CUX2: variants seen among roughly 807,000 people sequenced by gnomAD.
The protein encoded by CUX2 is cut like homeobox 2.
In CUX2, 40 loss-of-function variants were observed where a neutral mutation model predicts 144.8. The ratio of observed to expected loss-of-function variants is 0.28; its 90% confidence interval spans 0.21 to 0.36. The LOEUF (loss-of-function observed/expected upper bound fraction) is 0.36. CUX2 is among the 10% of genes least tolerant of loss of function. The probability of loss-of-function intolerance (pLI) is 1.00; values close to 1 mark genes in which losing one functional copy is unlikely to be tolerated. For synonymous variants in CUX2, 827 were observed against 875.6 expected, an observed-to-expected ratio of 0.94 and a Z score of 0.98; for missense variants, 1,615 against 1,994.0, an observed-to-expected ratio of 0.81 and a Z score of 3.62.
intron 1 of CUX2, among the ~76,000 whole-genome samples, chr12:111,064,857 G>T (rs1870956340): frequency 6.6e-6 from 1 of 152,296 alleles, no homozygotes; most frequent in Non-Finnish European, 1.5e-5. Flanking sequence ...AAAGGACTTG[G>T]AGTATATAAA....
intron 1 of CUX2, among the ~76,000 whole-genome samples, chr12:111,136,244 G>T (rs553238342): frequency 2.0e-5 from 3 of 152,040 alleles, no homozygotes; most frequent in African/African-American, 7.3e-5. Flanking sequence ...CGCGATTCTC[G>T]GTAGAATTTA....
intron 3 of CUX2, among the ~76,000 whole-genome samples, chr12:111,223,536 ATAGCCTT>A (rs1299581099): frequency 6.6e-6 from 1 of 152,188 alleles, no homozygotes; most frequent in Non-Finnish European, 1.5e-5. Flanking sequence ...ATGATCCAGC[ATAGCCTT>A]TAGCCTACCT....
chr12:111,034,475 T>C lies in CUX2; in HGVS notation c.63+235T>C, dbSNP rs1249439262. ...AGCTGCCGCGACCATGGAGAAGCGC[T>C]AGTGAGCCCTCGGTCGGCGGAGCGG... On this transcript the variant is annotated intron_variant, in intron 1 of 21. Transcript: ENST00000261726. This position sits in a 1 kb window ranked among gnomAD's most constrained non-coding sequence, Gnocchi z 4.2. 2.0e-5 allele frequency among the ~76,000 whole-genome samples: 3 copies of C among 151,380 alleles called. No homozygotes were observed. Among genetic ancestry groups the C allele is most frequent in the South Asian group, 2.1e-4 (1 of 4,816 alleles).
chr12:111,299,238 C>T (rs954634239), intron 9 of CUX2, among the ~76,000 whole-genome samples: 14 of 152,202 alleles, frequency 9.2e-5, no homozygotes, highest in Non-Finnish European at 1.3e-4. Context: ...CTGAGGTCTG[C>T]GGGCCCGCAC....
intron 4 of CUX2, among the ~76,000 whole-genome samples, chr12:111,272,493 C>T (rs1383465739): frequency 6.6e-6 from 1 of 152,188 alleles, no homozygotes; most frequent in African/African-American, 2.4e-5. Flanking sequence ...GAGATGTAGT[C>T]TCACTCTGTC....
intron 1 of CUX2, among the ~76,000 whole-genome samples, chr12:111,206,087 G>A (rs559876890): frequency 1.3e-5 from 2 of 152,350 alleles, no homozygotes; most frequent in East Asian, 3.9e-4. Context: ...TGTAATCTAA[G>A]CACTTTGGGA....
intron 1 of CUX2, among the ~76,000 whole-genome samples, chr12:111,090,711 A>G (rs1872508435): frequency 6.6e-6 from 1 of 151,962 alleles, no homozygotes; most frequent in South Asian, 2.1e-4. Flanking sequence ...AAAAATCCCA[A>G]ACCTCACCAA....
intron 16 of CUX2, among the ~76,000 whole-genome samples, chr12:111,316,918 G>A (rs1241378289): frequency 2.6e-5 from 4 of 152,072 alleles, no homozygotes; most frequent in Non-Finnish European, 5.9e-5. Flanking sequence ...GGAAACCACT[G>A]ATCTGCATCC....
chr12:111,066,203 G>A (rs909266903), intron 1 of CUX2, among the ~76,000 whole-genome samples: 1 of 152,184 alleles, frequency 6.6e-6, no homozygotes, highest in East Asian at 1.9e-4. Context: ...AGCAGTCTGA[G>A]TGAGTTCCCT....
At chr12:111,096,140 C>A (rs911489662) in intron 1 of CUX2, among the ~76,000 whole-genome samples, 5 of 152,180 alleles carry the variant, frequency 3.3e-5, no homozygotes, top group African/African-American at 1.2e-4. Context: ...AGCCCCCCAT[C>A]AGCAGGGAGA....
In CUX2 at chr12:111,295,649, G is replaced by A. The variant is rs1885936789; in HGVS notation, c.637+240G>A. The stretch of plus-strand genomic sequence containing the variant: ...AATTCAGGTGATGGCCAGGCGTGGT[G>A]GCTCACATGTGTAATCCTGGCACTT... On this transcript the variant is annotated intron_variant, in intron 7 of 21. Transcript: ENST00000261726. This position sits in a 1 kb window ranked among gnomAD's most constrained non-coding sequence, Gnocchi z 5.0. Among the ~76,000 whole-genome samples the A allele has an allele frequency of 6.6e-6, 1 of 152,104 alleles. No individual in the cohort carries two copies.
At chr12:111,281,709 G>C (rs1199697742) in intron 4 of CUX2, among the ~76,000 whole-genome samples, 1 of 152,224 alleles carries the variant, frequency 6.6e-6, no homozygotes, top group African/African-American at 2.4e-5. Flanking sequence ...AGACTCCTAG[G>C]GGGAGGGTCT....
chr12:111,155,073 C>T (rs940133069), intron 1 of CUX2, among the ~76,000 whole-genome samples: 3 of 152,246 alleles, frequency 2.0e-5, no homozygotes, highest in Middle Eastern at 3.4e-3. Flanking sequence ...CAGGTTAACA[C>T]GCGATAATAC....
In CUX2 at chr12:111,310,767, G is replaced by T; in HGVS notation, c.1900+85G>T. Reference sequence around the variant, plus strand: ...CTGGGGGCTGAGGACACGCGCTCTGGGTTCAAAGCCCAGCTCTACCACCAC... The same window carrying T: ...CTGGGGGCTGAGGACACGCGCTCTGTGTTCAAAGCCCAGCTCTACCACCAC... On this transcript the variant is annotated intron_variant, in intron 15 of 21. Transcript: ENST00000261726. This position sits in a 1 kb window ranked among gnomAD's most constrained non-coding sequence, Gnocchi z 7.9. 40 of 1,437,606 alleles carry T rather than the reference G, an allele frequency of 2.8e-5. 1 individual carries two copies. In the South Asian group the frequency reaches 5.6e-4, roughly 20 times the overall value. The allele number at this position is 1,437,606 out of a possible 1,614,324, so 89.1% of individuals were successfully genotyped here.
chr12:111,084,151 C>T (rs765092444), intron 1 of CUX2, among the ~76,000 whole-genome samples: 32 of 152,204 alleles, frequency 2.1e-4, no homozygotes, highest in Admixed American at 7.2e-4. Context: ...TTACTCCTTA[C>T]AAATAAATAT....
rs370888620 is a variant in CUX2 at position 111,289,153 on chromosome 12, TG to T, written c.302-2260del. ...AAGAAAAAAGGAAAAAAGAAAATTC[TG>T]GGGGAGAGACCAGGAAGAGACAGGG... On this transcript the variant is annotated intron_variant, in intron 4 of 21. Coordinates refer to ENST00000261726, the MANE Select transcript of CUX2 (RefSeq NM_015267.4). The surrounding 1 kb of genome is among the most constrained non-coding windows in gnomAD (Gnocchi z 4.1). 8.6e-5 allele frequency among the ~76,000 whole-genome samples: 13 copies of T among 152,032 alleles called. No individual in the cohort carries two copies. The highest frequency in any genetic ancestry group is 2.9e-4 in the African/African-American group (12 of 41,486).
At chr12:111,052,725 G>A (rs1168466584) in intron 1 of CUX2, among the ~76,000 whole-genome samples, 1 of 152,146 alleles carries the variant, frequency 6.6e-6, no homozygotes, top group Non-Finnish European at 1.5e-5. Context: ...TTGTTTATTT[G>A]TGCACCTTAG....
chr12:111,137,335 CCT>C (rs1052507456), intron 1 of CUX2, among the ~76,000 whole-genome samples: 33 of 151,256 alleles, frequency 2.2e-4, no homozygotes, highest in Admixed American at 2.0e-3. Flanking sequence ...AGTGCTGTCA[CCT>C]CTCTTCTGCT....
At position 111,039,720 on chromosome 12, in the gene CUX2, C is replaced by T. The variant is rs1478197652; in HGVS notation, c.63+5480C>T. 5.9e-5 allele frequency among the ~76,000 whole-genome samples: 9 copies of T among 152,088 alleles called. No individual in the cohort carries two copies. The highest frequency in any genetic ancestry group is 1.0e-4 in the Non-Finnish European group (7 of 67,976). On this transcript the variant is annotated intron_variant, in intron 1 of 21. Coordinates refer to ENST00000261726, the MANE Select transcript of CUX2 (RefSeq NM_015267.4). The surrounding 1 kb of genome is among the most constrained non-coding windows in gnomAD (Gnocchi z 4.2). ...CTAATTTTTGTATTTTTAGTAGAGA[C>T]GGGGTTTTGCAGTGTTGACCAGGCT...
Sources: allele counts gnomAD v4.1 joint callset (sites outside exome capture counted in the v4.1 genomes callset), GRCh38; gene constraint gnomAD v4.1.1; non-coding constraint Gnocchi (gnomAD v3.1); transcripts MANE v1.5; gene names NCBI Gene and HGNC (gene_info 2026-07-23, HGNC 2026-07-21).